The following RPS6KA2 variants were observed in gnomAD, a reference collection of about 807,000 sequenced individuals.
RPS6KA2 encodes ribosomal protein S6 kinase A2.
RPS6KA2 carries 42 observed loss-of-function variants against 91.8 expected under a neutral mutation model. The observed-to-expected ratio is 0.46, with a 90% CI of 0.36 to 0.59. RPS6KA2 has a LOEUF of 0.59. RPS6KA2 is among the 20% of genes least tolerant of loss of function. The pLI, the probability that RPS6KA2 is intolerant of heterozygous loss-of-function variation, is 0.00. For synonymous variants in RPS6KA2, 414 were observed against 393.6 expected (o/e 1.05, Z -0.61); for missense variants, 798 against 978.5 (o/e 0.82, Z 2.46).
chr6:166,512,655 G>A (rs937413484), intron 3 of RPS6KA2, among the ~76,000 whole-genome samples: 1 of 152,140 alleles, frequency 6.6e-6, no homozygotes, highest in Admixed American at 6.5e-5. Context: ...GGTGGTGACC[G>A]TGGTGTATGG....
At chr6:166,669,435 A>G (rs1788412477) in intron 2 of RPS6KA2, among the ~76,000 whole-genome samples, 1 of 152,104 alleles carries the variant, frequency 6.6e-6, no homozygotes, top group Admixed American at 6.5e-5. Context: ...TCTGATCCCA[A>G]ATTCATGTTC....
intron 2 of RPS6KA2, among the ~76,000 whole-genome samples, chr6:166,739,630 T>C (rs1790756834): frequency 6.6e-6 from 1 of 152,172 alleles, no homozygotes; most frequent in South Asian, 2.1e-4. Context: ...TTCAGGAATA[T>C]CAGGTTAAGG....
At chr6:166,747,273 G>A (rs965198107) in intron 2 of RPS6KA2, among the ~76,000 whole-genome samples, 2 of 152,060 alleles carry the variant, frequency 1.3e-5, no homozygotes, top group East Asian at 1.9e-4. Flanking sequence ...CCTCCCATTC[G>A]TGTACAAAGG....
chr6:166,550,746 T>C (rs147073246), intron 1 of RPS6KA2, among the ~76,000 whole-genome samples: 3 of 152,146 alleles, frequency 2.0e-5, no homozygotes, highest in Non-Finnish European at 2.9e-5. Flanking sequence ...CTCACGCCTG[T>C]AATCCCAGCA....
chr6:166,712,037 T>G (rs991659373), intron 2 of RPS6KA2, among the ~76,000 whole-genome samples: 19 of 152,168 alleles, frequency 1.2e-4, no homozygotes, highest in African/African-American at 4.1e-4. Context: ...TGTGAACACC[T>G]CTATACACAT....
chr6:166,441,053 C>T (rs1451112960), intron 14 of RPS6KA2, among the ~76,000 whole-genome samples: 1 of 152,198 alleles, frequency 6.6e-6, no homozygotes, highest in Non-Finnish European at 1.5e-5. Flanking sequence ...GTCATTTTCC[C>T]GTCTTCGAGT....
chr6:166,799,883 G>A lies in RPS6KA2; in HGVS notation c.123+58317C>T, dbSNP rs949414864. The stretch of plus-strand genomic sequence containing the variant: ...CGGAGTAGTGTACACAGCAGCTGAT[G>A]TGTAGTCCTTCATCCCTCACCCTCT... On this transcript the variant is annotated intron_variant, in intron 2 of 21. Coordinates refer to the RPS6KA2 transcript ENST00000503859. Among the ~76,000 whole-genome samples, 10 of 152,268 alleles carry A rather than the reference G, an allele frequency of 6.6e-5. No homozygotes were observed. The East Asian group carries it at 7.7e-4, about 12-fold the overall frequency.
intron 2 of RPS6KA2, among the ~76,000 whole-genome samples, chr6:166,690,455 G>A (rs1223075763): frequency 1.3e-5 from 2 of 152,224 alleles, no homozygotes; most frequent in Non-Finnish European, 1.5e-5. Context: ...GACAGTCTGA[G>A]CCACCTGCGT....
Position 166,843,008 on chromosome 6 carries a change from C to T in RPS6KA2, c.123+15192G>A, listed in dbSNP as rs575698114. 7.9e-5 allele frequency among the ~76,000 whole-genome samples: 12 copies of T among 152,296 alleles called. No homozygotes were observed. In the East Asian group the frequency reaches 1.2e-3, roughly 15 times the overall value. ...AGGGCAAGTTCTCAGCCCAGGTCACCGGCTGCCTAGAAATAGACTCGGTGC... is the reference window on the plus strand; with the variant it reads ...AGGGCAAGTTCTCAGCCCAGGTCACTGGCTGCCTAGAAATAGACTCGGTGC... On this transcript the variant is annotated intron_variant, in intron 2 of 21. Transcript: ENST00000503859.
At chr6:166,786,910 A>G (rs1322190052) in intron 2 of RPS6KA2, among the ~76,000 whole-genome samples, 1 of 152,194 alleles carries the variant, frequency 6.6e-6, no homozygotes, top group Non-Finnish European at 1.5e-5. Flanking sequence ...AAAGTACAAG[A>G]GGCCCGAGAT....
chr6:166,454,290 G>A (rs1304717020), intron 12 of RPS6KA2, among the ~76,000 whole-genome samples: 2 of 152,164 alleles, frequency 1.3e-5, no homozygotes, highest in African/African-American at 4.8e-5. Context: ...ACGAGGTCAG[G>A]AGTTCACGAC....
At chr6:166,830,203 C>T (rs1219453019) in intron 2 of RPS6KA2, among the ~76,000 whole-genome samples, 3 of 151,342 alleles carry the variant, frequency 2.0e-5, no homozygotes, top group African/African-American at 7.3e-5. Context: ...ACATGGAGCC[C>T]ATAACCTTGA....
rs1051935751 is a variant in RPS6KA2 at position 166,635,156 on chromosome 6, A to C, written c.124-96372T>G. Among the ~76,000 whole-genome samples, 4 of 152,234 alleles carry C rather than the reference A, an allele frequency of 2.6e-5. No individual in the cohort carries two copies. Among genetic ancestry groups the C allele is most frequent in the African/African-American group, 7.2e-5 (3 of 41,454 alleles). On this transcript the variant is annotated intron_variant, in intron 2 of 21. Coordinates refer to the RPS6KA2 transcript ENST00000503859. The surrounding 1 kb of genome is among the most constrained non-coding windows in gnomAD (Gnocchi z 4.8). ...TCATGTTTGTGACTCACTAATTATC[A>C]ATCACTTCTCTCCCACGTACACCTT...
At chr6:166,712,912 C>A (rs748124053) in intron 2 of RPS6KA2, among the ~76,000 whole-genome samples, 14 of 152,238 alleles carry the variant, frequency 9.2e-5, no homozygotes, top group Non-Finnish European at 2.1e-4. Flanking sequence ...ATGTCTCGCT[C>A]TCTCTCCCCT....
At chr6:166,681,218 A>G (rs188065954) in intron 2 of RPS6KA2, among the ~76,000 whole-genome samples, 1 of 152,350 alleles carries the variant, frequency 6.6e-6, no homozygotes, top group East Asian at 1.9e-4. Context: ...ACAACACTGT[A>G]TCTTAGAAAT....
intron 11 of RPS6KA2, among the ~76,000 whole-genome samples, chr6:166,466,083 G>A (rs1780510469): frequency 6.6e-6 from 1 of 152,138 alleles, no homozygotes; most frequent in South Asian, 2.1e-4. Flanking sequence ...CGAAAACAAG[G>A]CCAAAATAAA....
At chr6:166,504,275 T>A (rs906526607) in intron 6 of RPS6KA2, among the ~76,000 whole-genome samples, 1 of 152,012 alleles carries the variant, frequency 6.6e-6, no homozygotes, top group South Asian at 2.1e-4. Flanking sequence ...GCGTTATGAG[T>A]GTCAGGTGAG....
rs189972371 is a variant in RPS6KA2 at position 166,476,704 on chromosome 6, G to A, written c.908-6799C>T. Among the ~76,000 whole-genome samples, 806 of 152,034 alleles carry A rather than the reference G, an allele frequency of 5.3e-3. 11 individuals are homozygous for A. The highest frequency in any genetic ancestry group is 0.018 in the African/African-American group (765 of 41,462). On this transcript the variant is annotated intron_variant, in intron 10 of 20. Coordinates refer to ENST00000265678, the MANE Select transcript of RPS6KA2 (RefSeq NM_021135.6). ...GAGAGGGAGAGTCTACAGCTCGAGG[G>A]GACTCACACTAGGGGAGACACCAAG...
rs1017627029 is a variant in RPS6KA2 at position 166,474,330 on chromosome 6, G to A, written c.908-4425C>T. Among the ~76,000 whole-genome samples, 7 of 152,318 alleles carry A rather than the reference G, an allele frequency of 4.6e-5. No homozygotes were observed. In the South Asian group the frequency reaches 6.2e-4, roughly 14 times the overall value. On this transcript the variant is annotated intron_variant, in intron 10 of 20. Coordinates refer to ENST00000265678, the MANE Select transcript of RPS6KA2 (RefSeq NM_021135.6). ...CAAGAGCAACGGAAAACCTCTGCCC[G>A]TGCGTCAGCCACAGGCAGCAGGTGT...
Sources: gnomAD v4.1 joint callset for allele counts (sites outside exome capture counted in the v4.1 genomes callset) on GRCh38, gnomAD v4.1.1 for gene constraint, Gnocchi (gnomAD v3.1) non-coding constraint, MANE v1.5 for transcripts, NCBI Gene and HGNC (gene_info 2026-07-23, HGNC 2026-07-21) for gene names.